GNE: variants seen among roughly 807,000 people sequenced by gnomAD.
GNE encodes bifunctional UDP-N-acetylglucosamine 2-epimerase/N-acetylmannosamine kinase.
In GNE, 41 loss-of-function variants were observed where a neutral mutation model predicts 61.8. That is an observed-to-expected ratio of 0.66 (90% CI 0.52 to 0.86). The LOEUF is 0.86. Ranked by LOEUF, GNE falls within the 40% of genes least tolerant of loss-of-function variation. The probability of loss-of-function intolerance (pLI) is 0.00; values close to 1 mark genes in which losing one functional copy is unlikely to be tolerated. For missense variants in GNE, 608 were observed against 909.1 expected, an observed-to-expected ratio of 0.67 and a Z score of 4.26; for synonymous variants, 264 against 326.4, an observed-to-expected ratio of 0.81 and a Z score of 2.06.
chr9:36,254,445 T>TC (rs1327775218), intron 1 of GNE, among the ~76,000 whole-genome samples: 1 of 152,000 alleles, frequency 6.6e-6, no homozygotes, highest in Non-Finnish European at 1.5e-5. Flanking sequence ...GGCAGGAAGA[T>TC]CACTTTAGCC....
chr9:36,236,936 A>T lies in GNE; in HGVS notation c.665T>A (p.Val222Glu). The T allele has an allele frequency of 6.2e-7, 1 of 1,612,126 alleles. No individual in the cohort carries two copies. ...TATGGAATGCTTAATGTCAGTGGTC[A>T]CAGGGTGCTGTAGTGCAACAATGTA... ...KDYIVALQHP[V>E]TTDIKHSIKM... is the part of the protein sequence containing the mutation. Residue 222 changes from valine (V) to glutamate (E), a missense_variant, in exon 4 of 12, where the codon GTG (valine) becomes GAG (glutamate). By Grantham distance (121) the Val-to-Glu change is moderately radical (BLOSUM62 -2). Transcript: ENST00000642385.
chr9:36,273,221 A>ATTTT (rs34635171), intron 1 of GNE, among the ~76,000 whole-genome samples: 3,406 of 146,384 alleles, frequency 0.023, 71 homozygotes, highest in Non-Finnish European at 0.033. Context: ...CACTCCATAA[A>ATTTT]TTTTTTTTTT....
intron 9 of GNE, among the ~76,000 whole-genome samples, chr9:36,222,250 C>G (rs1156636577): frequency 6.6e-6 from 1 of 151,766 alleles, no homozygotes; most frequent in Admixed American, 6.6e-5. Flanking sequence ...AACCCCGTCT[C>G]TACTAAAAAA....
At chr9:36,221,595 A>G (rs1828589528) in intron 9 of GNE, among the ~76,000 whole-genome samples, 1 of 152,224 alleles carries the variant, frequency 6.6e-6, no homozygotes, top group East Asian at 1.9e-4. Flanking sequence ...TGAGGAAAAA[A>G]CTGGTAAAAA....
chr9:36,273,879 C>T (rs1291492851), intron 1 of GNE, among the ~76,000 whole-genome samples: 2 of 151,866 alleles, frequency 1.3e-5, no homozygotes, highest in African/African-American at 2.4e-5. Flanking sequence ...CGTCGATCCA[C>T]CCGCCTCGGC....
chr9:36,260,384 G>A (rs568591609), upstream of GNE, among the ~76,000 whole-genome samples: 12 of 152,064 alleles, frequency 7.9e-5, no homozygotes, highest in South Asian at 2.5e-3. Context: ...GGCTGGGAGA[G>A]TGACCTGGTT....
chr9:36,249,377 G>C lies in GNE; in HGVS notation c.-22C>G, dbSNP rs1191809976. On this transcript the variant is annotated 5_prime_UTR_variant, in exon 2 of 12. Transcript: ENST00000642385. ...CCATGATTTGCTTGTTTCGTTTTGA[G>C]AGGTTCTTAAAATAGAGTTCCTGAA... 1 of 1,611,684 alleles carries C rather than the reference G, an allele frequency of 6.2e-7. No individual in the cohort carries two copies. Among genetic ancestry groups the C allele is most frequent in the Admixed American group, 1.7e-5 (1 of 59,944 alleles).
intron 3 of GNE, among the ~76,000 whole-genome samples, chr9:36,244,418 T>A (rs989122732): frequency 1.3e-5 from 2 of 152,148 alleles, no homozygotes; most frequent in African/African-American, 4.8e-5. Flanking sequence ...TAAACTTGGA[T>A]TTTTTTACCT....
Position 36,236,814 on chromosome 9 carries a change from ATT to A in GNE, c.769+16_769+17del. ...TGGGAAAAGTAGGTGGCATAATTTC[ATT>A]TTCAAGTTCAATTACCTGCGTCAAT... On this transcript the variant is annotated intron_variant, in intron 4 of 11. Coordinates refer to ENST00000642385, the MANE Select transcript of GNE (RefSeq NM_005476.7). 6.2e-7 allele frequency: 1 copy of A among 1,612,028 alleles called. No individual in the cohort carries two copies. Among genetic ancestry groups the A allele is most frequent in the Non-Finnish European group, 8.5e-7 (1 of 1,178,254 alleles).
At chr9:36,248,483 T>G (rs1208278439) in intron 2 of GNE, among the ~76,000 whole-genome samples, 1 of 139,904 alleles carries the variant, frequency 7.1e-6, no homozygotes, top group Non-Finnish European at 1.5e-5. Context: ...ACTGGCTAAT[T>G]TTTTTTTTTT....
chr9:36,222,381 T>C (rs1173021919), intron 9 of GNE, among the ~76,000 whole-genome samples: 2 of 143,896 alleles, frequency 1.4e-5, no homozygotes, highest in Non-Finnish European at 3.0e-5. Flanking sequence ...ATCCCGCCAC[T>C]GCACTCCAGC....
At chr9:36,234,866 A>C (rs1829327680) in intron 4 of GNE, among the ~76,000 whole-genome samples, 1 of 152,084 alleles carries the variant, frequency 6.6e-6, no homozygotes, top group Admixed American at 6.6e-5. Flanking sequence ...AATTTTTTTA[A>C]CTTTTATTGT....
intron 1 of GNE, among the ~76,000 whole-genome samples, chr9:36,251,768 T>A (rs1830113267): frequency 6.6e-6 from 1 of 152,112 alleles, no homozygotes; most frequent in Non-Finnish European, 1.5e-5. Flanking sequence ...AACTCTGAAA[T>A]TCACTGGAAA....
chr9:36,231,366 G>A (rs1437078660), intron 5 of GNE, among the ~76,000 whole-genome samples: 6 of 152,132 alleles, frequency 3.9e-5, no homozygotes, highest in African/African-American at 1.4e-4. Flanking sequence ...GATAACTTGA[G>A]CCCAGGAATT....
intron 1 of GNE, among the ~76,000 whole-genome samples, chr9:36,267,482 A>C (rs1319261351): frequency 6.6e-6 from 1 of 151,876 alleles, no homozygotes; most frequent in African/African-American, 2.4e-5. Context: ...GGATCACCTG[A>C]GGTCAGGAGT....
In GNE at chr9:36,233,897, G is replaced by C. The variant is rs1829282113; in HGVS notation, c.982+23C>G. ...ACGTATGTATAAAGCCTAGTCAGTT[G>C]AAGTATGAGCAAAGGTAAATACCTG... is the stretch of plus-strand genomic sequence containing the variant. On this transcript the variant is annotated intron_variant, in intron 5 of 11. Coordinates refer to ENST00000642385, the MANE Select transcript of GNE (RefSeq NM_005476.7). The C allele has an allele frequency of 3.2e-6, 5 of 1,552,324 alleles. No individual in the cohort carries two copies. In the African/African-American group the frequency reaches 4.1e-5, roughly 13 times the overall value.
At chr9:36,245,186 C>T (rs1156936766) in intron 3 of GNE, among the ~76,000 whole-genome samples, 1 of 151,988 alleles carries the variant, frequency 6.6e-6, no homozygotes, top group East Asian at 1.9e-4. Flanking sequence ...ATCGCTTGAA[C>T]CTGGGAGGTG....
intron 1 of GNE, among the ~76,000 whole-genome samples, 172 bp downstream of exon 1, chr9:36,258,149 A>G (rs912746685): frequency 1.3e-5 from 2 of 151,112 alleles, no homozygotes; most frequent in African/African-American, 2.4e-5. Flanking sequence ...GAGGTGCCCT[A>G]TGGTGAGGCC....
intron 1 of GNE, among the ~76,000 whole-genome samples, chr9:36,254,605 A>AAG (rs1563952736): frequency 1.2e-4 from 19 of 152,124 alleles, no homozygotes; most frequent in Non-Finnish European, 2.5e-4. Context: ...ACTTTTCATC[A>AAG]GTACTTACAA....
Sources: allele counts gnomAD v4.1 joint callset (sites outside exome capture counted in the v4.1 genomes callset), GRCh38; gene constraint gnomAD v4.1.1; transcripts MANE v1.5; gene names NCBI Gene and HGNC (gene_info 2026-07-23, HGNC 2026-07-21).